CARD8: variants seen among roughly 807,000 people sequenced by gnomAD.
CARD8 encodes the protein caspase recruitment domain-containing protein 8.
In CARD8, 38 loss-of-function variants were observed where a neutral mutation model predicts 53.2. That is an observed-to-expected ratio of 0.71 (90% CI 0.55 to 0.94). The LOEUF is 0.94. Among genes scored for constraint, CARD8 ranks in the 40% least tolerant of loss-of-function variants. The probability of loss-of-function intolerance (pLI) is 0.00; values close to 1 mark genes in which losing one functional copy is unlikely to be tolerated. For missense variants in CARD8, 561 were observed against 655.5 expected (o/e 0.86, Z 1.57); for synonymous variants, 245 against 244.9 (o/e 1.00, Z 0.00).
rs531199248 is a variant in CARD8 at position 48,214,769 on chromosome 19, C to CTTTTT, written c.1348+566_1348+570dup. Among the ~76,000 whole-genome samples the CTTTTT allele has an allele frequency of 1.3e-3, 113 of 89,546 alleles. 7 individuals carry two copies. The highest frequency in any genetic ancestry group is 3.7e-3 in the East Asian group (11 of 3,002). 58.7% of individuals were successfully genotyped at this position (89,546 alleles called of 152,430 possible). A position where few individuals can be genotyped will look rare whatever the true frequency, so the allele number is the denominator to read the frequency against. On this transcript the variant is annotated intron_variant, in intron 13 of 13. Coordinates refer to ENST00000651546, the MANE Select transcript of CARD8 (RefSeq NM_001184900.3). ...CCTTCCTTTCATTCCTGCTATAAAGCTTTTTTTTTTTTTTTTTTTTTTTTT... is the reference window on the plus strand; with the variant it reads ...CCTTCCTTTCATTCCTGCTATAAAGCTTTTTTTTTTTTTTTTTTTTTTTTTTTTTT...
downstream of CARD8, among the ~76,000 whole-genome samples, chr19:48,207,189 GA>G (rs56859690): frequency 0.079 from 10,384 of 132,078 alleles, 572 homozygotes; most frequent in African/African-American, 0.16. Flanking sequence ...GAAAAGAAAA[GA>G]AAAAAAAAAC....
At chr19:48,231,636 A>G (rs1016265741) in intron 8 of CARD8, 24 bp downstream of exon 8, 1 of 1,563,424 alleles carries the variant, frequency 6.4e-7, no homozygotes. Context: ...TGGTTTTCAA[A>G]TCATCAGCAT....
At chr19:48,232,287 A>G (rs577148872) in intron 7 of CARD8, among the ~76,000 whole-genome samples, 166 bp downstream of exon 7, 1 of 152,324 alleles carries the variant, frequency 6.6e-6, no homozygotes, top group African/African-American at 2.4e-5. Context: ...CCCAGCAGTG[A>G]CAGGCTTACA....
Position 48,215,390 on chromosome 19 carries a change from A to G in CARD8, c.1304-6T>C. 6.2e-7 allele frequency: 1 copy of G among 1,602,134 alleles called. No individual in the cohort carries two copies. ...AGCTACAAGCTGGAGATCCACTACA[A>G]AAGAGGGAAAAATTATATGATGAGA... On this transcript the variant is annotated splice_region_variant and splice_polypyrimidine_tract_variant and intron_variant, in intron 12 of 13. Transcript: ENST00000651546.
intron 3 of CARD8, among the ~76,000 whole-genome samples, chr19:48,241,606 G>C (rs992859898): frequency 1.3e-5 from 2 of 152,142 alleles, no homozygotes; most frequent in Non-Finnish European, 2.9e-5. Context: ...TGCAAGTTAA[G>C]TTATGCAGAA....
At chr19:48,250,948 A>G (rs1321997786) in intron 1 of CARD8, among the ~76,000 whole-genome samples, 1 of 152,244 alleles carries the variant, frequency 6.6e-6, no homozygotes, top group Non-Finnish European at 1.5e-5. Context: ...TTCAGTTTGC[A>G]TATGGTTTTG....
chr19:48,229,864 A>G (rs112896719), intron 10 of CARD8, among the ~76,000 whole-genome samples: 6,066 of 152,188 alleles, frequency 0.04, 387 homozygotes, highest in African/African-American at 0.13. Flanking sequence ...TGTAATCCCA[A>G]CACTTCGGGA....
At chr19:48,206,399 A>C (rs1350649017), downstream of CARD8, 2 of 456,658 alleles carry the variant, frequency 4.4e-6, no homozygotes, top group Admixed American at 4.7e-5. Context: ...TGGATAGTGA[A>C]GATCTAGAGC....
In CARD8 at chr19:48,231,617, A is replaced by G. The variant is rs561787968; in HGVS notation, c.542+43T>C. 1.7e-5 allele frequency: 26 copies of G among 1,547,776 alleles called. No homozygotes were observed. The South Asian group carries it at 2.4e-4, about 14-fold the overall frequency. On this transcript the variant is annotated intron_variant, in intron 8 of 13. Transcript: ENST00000651546. ...CACGCCTGGCCTACACACTTCCTTT[A>G]TATCAGAGTGGTTTTCAAATCATCA...
chr19:48,222,825 C>T (rs2040943066), intron 10 of CARD8, among the ~76,000 whole-genome samples: 1 of 152,102 alleles, frequency 6.6e-6, no homozygotes. Flanking sequence ...GGAATTTATG[C>T]TAAAAACAAT....
chr19:48,253,596 AT>A (rs1374173921), intron 1 of CARD8, among the ~76,000 whole-genome samples: 1 of 152,216 alleles, frequency 6.6e-6, no homozygotes, highest in African/African-American at 2.4e-5. Flanking sequence ...TAAGATTCCA[AT>A]AAAAGAATGC....
intron 10 of CARD8, among the ~76,000 whole-genome samples, chr19:48,229,146 A>G (rs2042363015): frequency 6.6e-6 from 1 of 152,178 alleles, no homozygotes; most frequent in African/African-American, 2.4e-5. Flanking sequence ...CAAAAAAGAA[A>G]AAAAGAAAAG....
At position 48,215,391 on chromosome 19, in the gene CARD8, AAG is replaced by A; in HGVS notation, c.1304-9_1304-8del. 6.2e-7 allele frequency: 1 copy of A among 1,601,756 alleles called. No homozygotes were observed. Among genetic ancestry groups the A allele is most frequent in the Non-Finnish European group, 8.6e-7 (1 of 1,169,156 alleles). On this transcript the variant is annotated splice_region_variant and splice_polypyrimidine_tract_variant and intron_variant, in intron 12 of 13. Transcript: ENST00000651546. ...GCTACAAGCTGGAGATCCACTACAA[AAG>A]AGGGAAAAATTATATGATGAGATGA...
chr19:48,208,774 A>G lies in CARD8; in HGVS notation c.*2936T>C, dbSNP rs4433919. ...GGGTGGATCATGAGGTCAGGAGATCAAGACCATCCTGGCCAAAATGGTGAA... is the reference window on the plus strand; with the variant it reads ...GGGTGGATCATGAGGTCAGGAGATCGAGACCATCCTGGCCAAAATGGTGAA... On this transcript the variant is annotated 3_prime_UTR_variant, in exon 14 of 14. Transcript: ENST00000651546. 130,377 of 151,346 alleles carry G rather than the reference A, an allele frequency of 0.86. 56,342 individuals are homozygous for G. The highest frequency in any genetic ancestry group is 0.91 in the South Asian group (4,354 of 4,778). The allele number at this position is 151,346 out of a possible 1,614,324, so 9.4% of individuals were successfully genotyped here.
At chr19:48,230,399 A>G in intron 10 of CARD8, 39 bp downstream of exon 10, 2 of 1,555,108 alleles carry the variant, frequency 1.3e-6, no homozygotes, top group South Asian at 2.5e-5. Context: ...TGGAAATATA[A>G]TCGTCATCTT....
rs572072577 is a variant in CARD8 at position 48,218,825 on chromosome 19, A to G, written c.1303+46T>C. The G allele has an allele frequency of 2.4e-5, 39 of 1,599,458 alleles. 1 individual carries two copies. The South Asian group carries it at 4.1e-4, about 17-fold the overall frequency. On this transcript the variant is annotated intron_variant, in intron 12 of 13. Coordinates refer to ENST00000651546, the MANE Select transcript of CARD8 (RefSeq NM_001184900.3). ...CTTTGAAATCCAAGGATAGAGGTAC[A>G]TGATGGATCCCTGTCTAAAAATGCC... is the stretch of plus-strand genomic sequence containing the variant.
At chr19:48,242,721 A>G (rs1186559289) in intron 3 of CARD8, 3 of 152,190 alleles carry the variant, frequency 2.0e-5, no homozygotes, top group South Asian at 4.1e-4. Context: ...TCTTGGGTAC[A>G]TACTTAGGAG....
chr19:48,237,491 G>A (rs1042639857), intron 5 of CARD8, among the ~76,000 whole-genome samples: 2 of 151,906 alleles, frequency 1.3e-5, no homozygotes, highest in Non-Finnish European at 2.9e-5. Context: ...AAATCATATC[G>A]CTATTGTTAC....
At chr19:48,230,397 T>C (rs752155340) in intron 10 of CARD8, 41 bp downstream of exon 10, 6 of 1,553,478 alleles carry the variant, frequency 3.9e-6, no homozygotes, top group South Asian at 1.2e-5. Flanking sequence ...CCTGGAAATA[T>C]AATCGTCATC....
Sources: gnomAD v4.1 joint callset for allele counts (sites outside exome capture counted in the v4.1 genomes callset) on GRCh38, gnomAD v4.1.1 for gene constraint, MANE v1.5 for transcripts, NCBI Gene and HGNC (gene_info 2026-07-23, HGNC 2026-07-21) for gene names.